LUZP2: variants seen among roughly 807,000 people sequenced by gnomAD.
LUZP2 encodes leucine zipper protein 2.
LUZP2 carries 52 observed loss-of-function variants against 51.6 expected under a neutral mutation model. The ratio of observed to expected loss-of-function variants is 1.01; its 90% CI spans 0.81 to 1.27. LUZP2 has a LOEUF of 1.27. Ranked by LOEUF, LUZP2 falls within the 50% of genes most tolerant of loss-of-function variation. The probability of loss-of-function intolerance (pLI) is 0.00; values close to 1 mark genes in which losing one functional copy is unlikely to be tolerated. For missense variants in LUZP2, 436 were observed against 395.4 expected, an observed-to-expected ratio of 1.10 and a Z score of -0.87; for synonymous variants, 154 against 137.3, an observed-to-expected ratio of 1.12 and a Z score of -0.85.
At chr11:24,925,102 G>T (rs1441522120) in intron 7 of LUZP2, among the ~76,000 whole-genome samples, 1 of 152,110 alleles carries the variant, frequency 6.6e-6, no homozygotes, top group African/African-American at 2.4e-5. Context: ...ATACGTCAAA[G>T]AAATATATTT....
At chr11:24,751,384 T>C (rs915806381) in intron 4 of LUZP2, 2 of 156,852 alleles carry the variant, frequency 1.3e-5, no homozygotes, top group African/African-American at 4.8e-5. Context: ...AGGCTGAAGG[T>C]CATCTGTAGA....
intron 4 of LUZP2, among the ~76,000 whole-genome samples, chr11:24,751,920 T>TA (rs1299259360): frequency 5.9e-5 from 9 of 151,700 alleles, no homozygotes; most frequent in Admixed American, 1.3e-4. Context: ...CAAAAAATCA[T>TA]AAAAAAACTA....
intron 1 of LUZP2, among the ~76,000 whole-genome samples, chr11:24,657,296 G>A (rs1308040033): frequency 6.6e-6 from 1 of 152,156 alleles, no homozygotes; most frequent in Admixed American, 6.5e-5. Context: ...TGGATTATTA[G>A]AAAAAGTAGA....
rs140637593 is a variant in LUZP2, at chr11:24,741,295, C to T, written c.333+2993C>T. 3.0e-3 allele frequency among the ~76,000 whole-genome samples: 450 copies of T among 152,096 alleles called. 3 individuals carry two copies. Among genetic ancestry groups the T allele is most frequent in the African/African-American group, 0.01 (433 of 41,528 alleles). On this transcript the variant is annotated intron_variant, in intron 4 of 11. Transcript: ENST00000336930. ...GACATATTACCTGTCTGTCAGTGAT[C>T]AGGGGCAACACAGTGATATTTTTAC...
intron 1 of LUZP2, among the ~76,000 whole-genome samples, chr11:24,543,295 T>C (rs1851437473): frequency 6.6e-6 from 1 of 152,072 alleles, no homozygotes; most frequent in Admixed American, 6.6e-5. Flanking sequence ...GATATTTCTA[T>C]GGGAGAACAA....
chr11:25,034,303 C>T (rs976884471), intron 9 of LUZP2, among the ~76,000 whole-genome samples: 46 of 151,960 alleles, frequency 3.0e-4, no homozygotes, highest in African/African-American at 1.1e-3. Context: ...ATTTAATTTC[C>T]ATATAGATTC....
intron 5 of LUZP2, among the ~76,000 whole-genome samples, chr11:24,852,681 ATCTG>A (rs1851433923): frequency 1.3e-5 from 2 of 151,180 alleles, no homozygotes; most frequent in African/African-American, 2.4e-5. Flanking sequence ...TGTTTCGTTG[ATCTG>A]TCTGTTATTG....
chr11:24,606,843 G>A (rs899639780), intron 1 of LUZP2, among the ~76,000 whole-genome samples: 5 of 151,818 alleles, frequency 3.3e-5, no homozygotes, highest in African/African-American at 1.2e-4. Flanking sequence ...ATAACCTAAG[G>A]GATGTGAGGT....
chr11:24,502,774 A>G (rs1322017224), intron 1 of LUZP2, among the ~76,000 whole-genome samples: 3 of 152,240 alleles, frequency 2.0e-5, no homozygotes, highest in African/African-American at 4.8e-5. Context: ...AATGAGATTT[A>G]GCATAAAAGT....
Position 25,070,770 on chromosome 11 carries a change from GGTGTGTGTGTGTGT to G in LUZP2, c.859-6526_859-6513del, listed in dbSNP as rs67504954. Among the ~76,000 whole-genome samples, 855 of 141,388 alleles carry G rather than the reference GGTGTGTGTGTGTGT, an allele frequency of 6.0e-3. 6 individuals carry two copies. The highest frequency in any genetic ancestry group is 0.021 in the African/African-American group (778 of 37,928). 92.8% of individuals were successfully genotyped at this position (141,388 alleles called of 152,430 possible). A position where few individuals can be genotyped will look rare whatever the true frequency, so the allele number is the denominator to read the frequency against. On this transcript the variant is annotated intron_variant, in intron 10 of 11. Transcript: ENST00000336930. ...AATGGCATTGTGAATGACTGTGTAT[GGTGTGTGTGTGTGT>G]GTGTGTGTGTGTGTGTGTGTGTGTG...
At chr11:24,806,468 G>C (rs1849859524) in intron 5 of LUZP2, among the ~76,000 whole-genome samples, 2 of 152,156 alleles carry the variant, frequency 1.3e-5, no homozygotes, top group African/African-American at 4.8e-5. Flanking sequence ...CTAAGACATT[G>C]TATAGGATCA....
intron 5 of LUZP2, among the ~76,000 whole-genome samples, chr11:24,848,883 TATAGGAGC>T (rs1478833997): frequency 1.3e-5 from 2 of 152,068 alleles, no homozygotes; most frequent in African/African-American, 4.8e-5. Context: ...AAGCATTTAA[TATAGGAGC>T]ATAGGAGCAT....
At chr11:25,022,282 A>G (rs532341043) in intron 9 of LUZP2, among the ~76,000 whole-genome samples, 1 of 152,198 alleles carries the variant, frequency 6.6e-6, no homozygotes, top group Non-Finnish European at 1.5e-5. Context: ...TTTTACATGT[A>G]GTTCATCCAC....
intron 6 of LUZP2, among the ~76,000 whole-genome samples, 164 bp from the exon 7 acceptor site, chr11:24,914,312 T>TGACTC (rs1853730697): frequency 6.6e-6 from 1 of 152,202 alleles, no homozygotes; most frequent in Non-Finnish European, 1.5e-5. Context: ...TCCAGAGGTC[T>TGACTC]GACTCTCAAA....
At chr11:24,721,388 C>A (rs1467908839) in intron 1 of LUZP2, among the ~76,000 whole-genome samples, 1 of 152,098 alleles carries the variant, frequency 6.6e-6, no homozygotes, top group Admixed American at 6.5e-5. Flanking sequence ...ATAGGAAATA[C>A]CATATTTGGG....
At chr11:24,955,505 T>A (rs1855188064) in intron 7 of LUZP2, among the ~76,000 whole-genome samples, 1 of 151,978 alleles carries the variant, frequency 6.6e-6, no homozygotes, top group Non-Finnish European at 1.5e-5. Flanking sequence ...AAAAATTACA[T>A]GGAATGAAAA....
intron 1 of LUZP2, among the ~76,000 whole-genome samples, chr11:24,615,666 G>C (rs146504893): frequency 3.6e-4 from 55 of 152,052 alleles, no homozygotes; most frequent in Non-Finnish European, 6.5e-4. Context: ...AGATGCCCAG[G>C]AATATGTAAT....
intron 9 of LUZP2, among the ~76,000 whole-genome samples, chr11:25,036,126 G>A (rs1205823832): frequency 5.3e-5 from 8 of 151,878 alleles, no homozygotes; most frequent in Admixed American, 2.0e-4. Flanking sequence ...ATTCTTTATT[G>A]CTGATTCAAT....
At chr11:24,690,813 G>A (rs1179698243) in intron 1 of LUZP2, among the ~76,000 whole-genome samples, 2 of 152,032 alleles carry the variant, frequency 1.3e-5, no homozygotes, top group African/African-American at 4.8e-5. Context: ...AACTGAACAT[G>A]TTCTAGATGC....
Sources: allele counts gnomAD v4.1 joint callset (sites outside exome capture counted in the v4.1 genomes callset), GRCh38; gene constraint gnomAD v4.1.1; transcripts MANE v1.5; gene names NCBI Gene and HGNC (gene_info 2026-07-23, HGNC 2026-07-21).